Variants in PLXNA2 observed in about 807,000 individuals in gnomAD.
PLXNA2 encodes the protein plexin A2.
A neutral mutation model predicts 193.5 loss-of-function variants in PLXNA2; 91 were observed. The ratio of observed to expected loss-of-function variants is 0.47; its 90% CI spans 0.40 to 0.56. The LOEUF (loss-of-function observed/expected upper bound fraction) is 0.56, where lower values mean the gene tolerates loss of function less well. Among genes scored for constraint, PLXNA2 ranks in the 20% least tolerant of loss-of-function variants. The pLI, the probability that PLXNA2 is intolerant of heterozygous loss-of-function variation, is 0.00. For missense variants in PLXNA2, 1,995 were observed against 2,503.2 expected (o/e 0.80, Z 4.33); for synonymous variants, 997 against 1,027.3 (o/e 0.97, Z 0.56).
At chr1:208,232,934 C>G (rs1409433289) in intron 1 of PLXNA2, among the ~76,000 whole-genome samples, 1 of 152,230 alleles carries the variant, frequency 6.6e-6, no homozygotes, top group Non-Finnish European at 1.5e-5. Flanking sequence ...AGAGGGAACT[C>G]AAGCTTAGAA....
chr1:208,174,709 T>C (rs928202098), intron 3 of PLXNA2, among the ~76,000 whole-genome samples: 2 of 152,118 alleles, frequency 1.3e-5, no homozygotes, highest in African/African-American at 4.8e-5. Flanking sequence ...CAGCCCAGTT[T>C]CTCTGCTTTC....
At chr1:208,096,671 C>G in intron 7 of PLXNA2, 59 bp downstream of exon 7, 1 of 1,586,112 alleles carries the variant, frequency 6.3e-7, no homozygotes, top group Non-Finnish European at 8.6e-7. Context: ...TTGTGACCCC[C>G]AGCTCCCTCA....
intron 3 of PLXNA2, among the ~76,000 whole-genome samples, chr1:208,153,104 A>C (rs975029935): frequency 5.3e-5 from 8 of 152,310 alleles, no homozygotes; most frequent in African/African-American, 1.9e-4. Flanking sequence ...GTAGGCTCTC[A>C]GTAACACAGG....
Position 208,033,401 on chromosome 1 carries a change from T to C in PLXNA2, c.4973A>G (p.His1658Arg). 6.2e-7 allele frequency: 1 copy of C among 1,614,186 alleles called. No individual in the cohort carries two copies. The highest frequency in any genetic ancestry group is 8.5e-7 in the Non-Finnish European group (1 of 1,180,006). ...GVKVWHLVKNHDHGDQKEGDR... is the reference protein window; with the variant it reads ...GVKVWHLVKNRDHGDQKEGDR... Reference sequence around the variant, plus strand: ...ACCCTCCTTCTGGTCACCGTGGTCATGGTTCTTCACCAGATGCCACACCTT... The same window carrying C: ...ACCCTCCTTCTGGTCACCGTGGTCACGGTTCTTCACCAGATGCCACACCTT... Residue 1658 changes from histidine to arginine, a missense_variant, in exon 28 of 32, where the codon CAT (histidine) becomes CGT (arginine). Transcript: ENST00000367033.
intron 13 of PLXNA2, among the ~76,000 whole-genome samples, chr1:208,055,843 A>T (rs1665413655): frequency 6.6e-6 from 1 of 152,238 alleles, no homozygotes; most frequent in Non-Finnish European, 1.5e-5. Flanking sequence ...CCAAATAACT[A>T]CTTTCACTCC....
rs1490878317 is a variant in PLXNA2 at position 208,243,676 on chromosome 1, C to T, written c.-114G>A. On this transcript the variant is annotated 5_prime_UTR_variant, in exon 1 of 32. Coordinates refer to ENST00000367033, the MANE Select transcript of PLXNA2 (RefSeq NM_025179.4). Reference sequence around the variant, plus strand: ...GCGACGTCGGTCTGTCCTTCCGTCCCCGCTCGGTCTACCTCGGCCGCCGCC... The same window carrying T: ...GCGACGTCGGTCTGTCCTTCCGTCCTCGCTCGGTCTACCTCGGCCGCCGCC... The T allele has an allele frequency of 6.6e-6, 1 of 152,210 alleles. No homozygotes were observed. Among genetic ancestry groups the T allele is most frequent in the Non-Finnish European group, 1.5e-5 (1 of 68,018 alleles). The allele number at this position is 152,210 out of a possible 1,614,324, so 9.4% of individuals were successfully genotyped here. A position where few individuals can be genotyped will look rare whatever the true frequency, so the allele number is the denominator to read the frequency against.
At chr1:208,060,560 C>T in intron 13 of PLXNA2, 126 bp downstream of exon 13, 2 of 947,880 alleles carry the variant, frequency 2.1e-6, no homozygotes, top group African/African-American at 1.7e-5. Flanking sequence ...GCTTCTGGGG[C>T]AGGTCCATGG....
intron 3 of PLXNA2, among the ~76,000 whole-genome samples, chr1:208,200,717 G>A (rs1670522786): frequency 6.6e-6 from 1 of 151,082 alleles, no homozygotes; most frequent in Non-Finnish European, 1.5e-5. Flanking sequence ...TCCTGCCTCA[G>A]CCTCCTTAGT....
intron 28 of PLXNA2, chr1:208,032,185 G>A: frequency 1.0e-6 from 1 of 974,782 alleles, no homozygotes; most frequent in Non-Finnish European, 1.2e-6. Context: ...CTGTTAGGAA[G>A]GTATGAAGAG....
chr1:208,233,468 T>C (rs190715850), intron 1 of PLXNA2, among the ~76,000 whole-genome samples: 10 of 152,320 alleles, frequency 6.6e-5, no homozygotes, highest in Admixed American at 4.6e-4. Flanking sequence ...ACTGCACAGT[T>C]GGTGGAAAAT....
chr1:208,072,326 G>A (rs1478751922), intron 12 of PLXNA2, among the ~76,000 whole-genome samples: 2 of 152,200 alleles, frequency 1.3e-5, no homozygotes, highest in East Asian at 3.9e-4. Context: ...GCATCAATGT[G>A]GCCTTATGGT....
intron 10 of PLXNA2, 37 bp downstream of exon 10, chr1:208,084,343 C>T (rs1211118694): frequency 3.1e-6 from 5 of 1,606,586 alleles, no homozygotes; most frequent in African/African-American, 1.3e-5. Context: ...TGAGAGGAAG[C>T]CCTGCTCCAG....
At chr1:208,137,878 A>T (rs1668350411) in intron 4 of PLXNA2, among the ~76,000 whole-genome samples, 1 of 152,144 alleles carries the variant, frequency 6.6e-6, no homozygotes, top group Non-Finnish European at 1.5e-5. Context: ...GTAAGACCAG[A>T]GACTTGGTTT....
chr1:208,059,599 C>T (rs948344509), intron 13 of PLXNA2, among the ~76,000 whole-genome samples: 1 of 152,170 alleles, frequency 6.6e-6, no homozygotes, highest in Admixed American at 6.5e-5. Context: ...GGGAAGTAGC[C>T]CTGCATTAGG....
At chr1:208,215,349 CAGA>C (rs1173031336) in intron 2 of PLXNA2, among the ~76,000 whole-genome samples, 2 of 152,074 alleles carry the variant, frequency 1.3e-5, no homozygotes, top group African/African-American at 2.4e-5. Flanking sequence ...GCCAGGCATT[CAGA>C]AGATCTTCAA....
intron 11 of PLXNA2, among the ~76,000 whole-genome samples, chr1:208,080,873 C>T (rs1248442947): frequency 6.6e-6 from 1 of 151,630 alleles, no homozygotes; most frequent in African/African-American, 2.4e-5. Context: ...TGAGTTCACA[C>T]AGCTGTAAGT....
chr1:208,080,205 G>A (rs989589624), intron 11 of PLXNA2, among the ~76,000 whole-genome samples: 1 of 151,920 alleles, frequency 6.6e-6, no homozygotes, highest in Non-Finnish European at 1.5e-5. Flanking sequence ...AAGCATTGCT[G>A]ATTAAAAAAA....
At chr1:208,119,501 T>C (rs1481611290) in intron 4 of PLXNA2, among the ~76,000 whole-genome samples, 3 of 152,130 alleles carry the variant, frequency 2.0e-5, no homozygotes, top group Non-Finnish European at 4.4e-5. Context: ...GAAAGGTGAG[T>C]CTGGTGAAGG....
chr1:208,041,398 T>C (rs1664865094), intron 22 of PLXNA2, among the ~76,000 whole-genome samples: 1 of 152,088 alleles, frequency 6.6e-6, no homozygotes, highest in Non-Finnish European at 1.5e-5. Flanking sequence ...TCCAACCCTC[T>C]CCCCTGCCAG....
Sources: allele counts gnomAD v4.1 joint callset (sites outside exome capture counted in the v4.1 genomes callset), GRCh38; gene constraint gnomAD v4.1.1; transcripts MANE v1.5; gene names NCBI Gene and HGNC (gene_info 2026-07-23, HGNC 2026-07-21).